Variants in DNHD1 observed in about 807,000 individuals in gnomAD.
DNHD1 encodes dynein heavy chain domain 1, also known as dynein heavy chain domain-containing protein 1.
In DNHD1, 383 loss-of-function variants were observed where a neutral mutation model predicts 458.1. The ratio of observed to expected loss-of-function variants is 0.84; its 90% CI spans 0.77 to 0.91. DNHD1 has a LOEUF of 0.91. Among genes scored for constraint, DNHD1 ranks in the 40% least tolerant of loss-of-function variants. The probability of loss-of-function intolerance (pLI) is 0.00; values close to 1 mark genes in which losing one functional copy is unlikely to be tolerated. For missense variants in DNHD1, 5,336 were observed against 5,866.1 expected (o/e 0.91, Z 2.95); for synonymous variants, 2,203 against 2,376.9 (o/e 0.93, Z 2.13).
intron 28 of DNHD1, among the ~76,000 whole-genome samples, chr11:6,560,499 C>T (rs978362378): frequency 6.6e-6 from 1 of 152,186 alleles, no homozygotes; most frequent in Non-Finnish European, 1.5e-5. Context: ...CAGAGAGCAA[C>T]AGAAATCCCC....
chr11:6,551,823 C>G (rs1230788818), intron 24 of DNHD1, among the ~76,000 whole-genome samples: 1 of 152,102 alleles, frequency 6.6e-6, no homozygotes, highest in East Asian at 1.9e-4. Context: ...TACCTGTAAT[C>G]ACAGCTACTC....
chr11:6,512,377 T>C (rs368917351), intron 7 of DNHD1, among the ~76,000 whole-genome samples: 1,878 of 145,868 alleles, frequency 0.013, 19 homozygotes, highest in South Asian at 0.035. Context: ...CCCACCACCA[T>C]GCCCGGCTAA....
chr11:6,544,052 TCTC>T, intron 18 of DNHD1, 66 bp from the exon 19 acceptor site: 5 of 1,477,670 alleles, frequency 3.4e-6, no homozygotes, highest in African/African-American at 1.4e-5. Context: ...GTTCCCCTGG[TCTC>T]CTCTTCTCTC....
At chr11:6,536,468 GA>G (rs1214505338) in intron 14 of DNHD1, among the ~76,000 whole-genome samples, 2 of 151,262 alleles carry the variant, frequency 1.3e-5, no homozygotes, top group African/African-American at 2.4e-5. Context: ...AAATAGTTCA[GA>G]AAAAAAAATT....
At chr11:6,501,653 TTAGGGA>T (rs1278511665) in intron 3 of DNHD1, among the ~76,000 whole-genome samples, 1 of 151,686 alleles carries the variant, frequency 6.6e-6, no homozygotes, top group Non-Finnish European at 1.5e-5. Context: ...TTGCATGGGG[TTAGGGA>T]TAGCAGTTTG....
At chr11:6,551,740 A>G (rs1407144547) in intron 24 of DNHD1, among the ~76,000 whole-genome samples, 1 of 152,170 alleles carries the variant, frequency 6.6e-6, no homozygotes, top group Non-Finnish European at 1.5e-5. Flanking sequence ...CAGGAGATGG[A>G]GACCATCCTG....
At chr11:6,530,207 CA>C (rs1226781672) in intron 12 of DNHD1, among the ~76,000 whole-genome samples, 1 of 152,184 alleles carries the variant, frequency 6.6e-6, no homozygotes. Flanking sequence ...AAGTGGGGCT[CA>C]AGACCATTCT....
rs929272408 is a variant in DNHD1, at chr11:6,563,134, G to A, written c.9669+3G>A. ...AGCGAGAGGCTTTCCTGGAGCAGGT[G>A]GGCTCTTCCTGCCGCCTGCCCTGCA... On this transcript the variant is annotated splice_donor_region_variant and intron_variant, in intron 29 of 42. Transcript: ENST00000254579. The A allele has an allele frequency of 1.1e-4, 171 of 1,551,636 alleles. No homozygotes were observed. Among genetic ancestry groups the A allele is most frequent in the Middle Eastern group, 8.3e-4 (5 of 5,992 alleles).
Position 6,547,099 on chromosome 11 carries a change from A to G in DNHD1, c.6160A>G (p.Ile2054Val), listed in dbSNP as rs1233975635. 1 of 1,551,750 alleles carries G rather than the reference A, an allele frequency of 6.4e-7. No individual in the cohort carries two copies. The highest frequency in any genetic ancestry group is 2.0e-5 in the Admixed American group (1 of 51,018). ...AGAGGGCTCCTGCTGGCATCATGGCATCTTTCCCAAGGTACTTCGTGCAGC... is the reference window on the plus strand; with the variant it reads ...AGAGGGCTCCTGCTGGCATCATGGCGTCTTTCCCAAGGTACTTCGTGCAGC... ...WLEGSCWHHG[I>V]FPKVLRAAGQ... is the part of the protein sequence containing the mutation. The change falls in exon 21 of 43, where the codon ATC becomes GTC. Residue 2054 changes from isoleucine (I) to valine (V), a missense_variant. This residue lies in a region of DNHD1 where 3,932 missense variants were observed against 4,365.6 expected (regional missense o/e 0.90). Coordinates refer to ENST00000254579, the MANE Select transcript of DNHD1 (RefSeq NM_144666.3).
intron 18 of DNHD1, among the ~76,000 whole-genome samples, chr11:6,543,219 T>TG (rs1853135612): frequency 6.6e-6 from 1 of 152,234 alleles, no homozygotes; most frequent in Admixed American, 6.5e-5. Flanking sequence ...GTCCTACATG[T>TG]GTCTGAATAA....
rs575194020 is a variant in DNHD1, at chr11:6,532,999, C to A, written c.2348-28C>A. 4.1e-4 allele frequency: 641 copies of A among 1,547,452 alleles called. 2 individuals are homozygous for A. The highest frequency in any genetic ancestry group is 3.2e-3 in the Middle Eastern group (19 of 5,970). On this transcript the variant is annotated intron_variant, in intron 12 of 42. Coordinates refer to ENST00000254579, the MANE Select transcript of DNHD1 (RefSeq NM_144666.3). ...CAGCACCCCTTCTTTTTTATGCGTC[C>A]CCTCACACCTTACTCTCCTGTCTCC... is the stretch of plus-strand genomic sequence containing the variant.
At chr11:6,521,926 AG>A (rs987091916) in intron 10 of DNHD1, among the ~76,000 whole-genome samples, 8 of 152,120 alleles carry the variant, frequency 5.3e-5, no homozygotes, top group Admixed American at 4.6e-4. Context: ...TATGTTGCCG[AG>A]GCTGGTCGTG....
At position 6,558,311 on chromosome 11, in the gene DNHD1, C is replaced by T; in HGVS notation, c.9002+14C>T. The T allele has an allele frequency of 1.3e-6, 2 of 1,547,598 alleles. No individual in the cohort carries two copies. Among genetic ancestry groups the T allele is most frequent in the Non-Finnish European group, 1.7e-6 (2 of 1,145,108 alleles). ...GGTGTTGCAGAGGTGAGGCCAAGAA[C>T]CCCATATGCGAATCTGCTCTGCTCT... On this transcript the variant is annotated intron_variant, in intron 25 of 42. Transcript: ENST00000254579.
intron 24 of DNHD1, among the ~76,000 whole-genome samples, chr11:6,555,722 A>G (rs1853448006): frequency 6.6e-6 from 1 of 152,248 alleles, no homozygotes. Context: ...TTCTATTTAT[A>G]TGAGGTTCTA....
Position 6,563,089 on chromosome 11 carries a change from A to G in DNHD1, c.9627A>G (p.Gln3209=). ...QENLIENLAR[Q]RDALQAQREA... ...ACCTCATTGAGAACCTGGCCAGGCA[A>G]CGGGATGCCCTGCAAGCTCAGCGAG... Residue 3209 remains glutamine, a synonymous_variant, in exon 29 of 43, where the codon CAA becomes CAG. Transcript: ENST00000254579. 1 of 1,551,630 alleles carries G rather than the reference A, an allele frequency of 6.4e-7. No homozygotes were observed. The highest frequency in any genetic ancestry group is 8.7e-7 in the Non-Finnish European group (1 of 1,146,962).
rs1853259980 is a variant in DNHD1, at chr11:6,547,973, C to T, written c.6838C>T (p.His2280Tyr). 1 of 1,551,826 alleles carries T rather than the reference C, an allele frequency of 6.4e-7. No homozygotes were observed. Among genetic ancestry groups the T allele is most frequent in the African/African-American group, 1.4e-5 (1 of 73,180 alleles). ...CGATGTGCCAGATAAGTGCAGGGAA[C>T]ACTTGCTGGCTGTCAGCAGTTTTCT... ...SDDVPDKCRE[H>Y]LLAVSSFLFA... The change falls in exon 22 of 43, where the codon CAC (histidine) becomes TAC (tyrosine). Residue 2280 changes from histidine to tyrosine, a missense_variant. His to Tyr is a moderately conservative substitution (Grantham distance 83, BLOSUM62 2). Transcript: ENST00000254579.
chr11:6,507,781 C>G (rs1424386033), intron 4 of DNHD1, among the ~76,000 whole-genome samples: 3 of 152,192 alleles, frequency 2.0e-5, no homozygotes, highest in African/African-American at 7.2e-5. Context: ...CCTTAACTGT[C>G]TTGGGCAAAG....
At position 6,545,478 on chromosome 11, in the gene DNHD1, G is replaced by T. The variant is rs1173294338; in HGVS notation, c.4539G>T (p.Val1513=). The T allele has an allele frequency of 6.4e-7, 1 of 1,551,842 alleles. No individual in the cohort carries two copies. Among genetic ancestry groups the T allele is most frequent in the African/African-American group, 1.4e-5 (1 of 73,192 alleles). ...CCTTCCCATGGCAGTGTGTGCTGGT[G>T]GCAGAGGAGGTGGTATGGCGGGCCG... The part of the protein sequence containing the change: ...VQAFPWQCVL[V]AEEVVWRAEM... The change falls in exon 21 of 43, where the codon GTG becomes GTT. Residue 1513 remains valine, a synonymous_variant. Transcript: ENST00000254579. This position sits in a 1 kb window ranked among gnomAD's most constrained non-coding sequence, Gnocchi z 4.9.
At chr11:6,569,870 T>C (rs1589900376) in intron 39 of DNHD1, 139 bp from the exon 40 acceptor site, 3 of 661,118 alleles carry the variant, frequency 4.5e-6, no homozygotes, top group East Asian at 2.7e-5. Context: ...ATGATTTCAG[T>C]TGAAAGCAAG....
Sources: allele counts gnomAD v4.1 joint callset (sites outside exome capture counted in the v4.1 genomes callset), GRCh38; gene constraint gnomAD v4.1.1; regional missense constraint gnomAD v4.1.1; non-coding constraint Gnocchi (gnomAD v3.1); transcripts MANE v1.5; gene names NCBI Gene and HGNC (gene_info 2026-07-23, HGNC 2026-07-21).